The following RCHY1 variants were observed in gnomAD, a reference collection of about 807,000 sequenced individuals.
RCHY1 encodes the protein RING finger and CHY zinc finger domain-containing protein 1.
Under a neutral mutation model 41.6 loss-of-function variants are expected in RCHY1, and 21 were observed. That is an observed-to-expected ratio of 0.51 (90% CI 0.36 to 0.73). The LOEUF (loss-of-function observed/expected upper bound fraction) is 0.73, where lower values mean the gene tolerates loss of function less well. RCHY1 is among the 30% of genes least tolerant of loss of function. The pLI is 0.00. For missense variants in RCHY1, 265 were observed against 325.3 expected, an observed-to-expected ratio of 0.81 and a Z score of 1.43; for synonymous variants, 79 against 102.9, an observed-to-expected ratio of 0.77 and a Z score of 1.41.
At chr4:75,506,289 A>C (rs1724298547) in intron 3 of RCHY1, among the ~76,000 whole-genome samples, 1 of 152,072 alleles carries the variant, frequency 6.6e-6, no homozygotes, top group South Asian at 2.1e-4. Context: ...ATTATGTCCA[A>C]CAATCAACTA....
chr4:75,508,637 T>C (rs1488239428), intron 3 of RCHY1, among the ~76,000 whole-genome samples, 183 bp downstream of exon 3: 1 of 152,190 alleles, frequency 6.6e-6, no homozygotes, highest in African/African-American at 2.4e-5. Context: ...AATGGATATG[T>C]TCTATAGCTT....
rs762143992 is a variant in RCHY1, at chr4:75,485,967, T to A, written c.658-3301A>T. 8.5e-4 allele frequency among the ~76,000 whole-genome samples: 130 copies of A among 152,292 alleles called. 2 individuals are homozygous for A. Among genetic ancestry groups the A allele is most frequent in the East Asian group, 1.5e-3 (8 of 5,186 alleles). On this transcript the variant is annotated intron_variant, in intron 8 of 8. Coordinates refer to ENST00000324439, the MANE Select transcript of RCHY1 (RefSeq NM_015436.4). The stretch of plus-strand genomic sequence containing the variant: ...TTGACTGTGAGCTTGTTTTGGGTTT[T>A]GAACCTCTAGATTCTCAAGTCTGGC...
At chr4:75,497,507 G>A (rs62318629) in intron 3 of RCHY1, among the ~76,000 whole-genome samples, 47,574 of 151,918 alleles carry the variant, frequency 0.31, 7,774 homozygotes, top group Non-Finnish European at 0.35. Context: ...CTGACCACAT[G>A]GCAGAGCCAA....
intron 3 of RCHY1, among the ~76,000 whole-genome samples, chr4:75,497,672 A>G (rs1723345254): frequency 6.6e-6 from 1 of 152,118 alleles, no homozygotes; most frequent in South Asian, 2.1e-4. Context: ...AACACATGCA[A>G]TTGGAGATCC....
intron 1 of RCHY1, among the ~76,000 whole-genome samples, chr4:75,513,338 T>C (rs989359118): frequency 6.6e-6 from 1 of 152,208 alleles, no homozygotes; most frequent in African/African-American, 2.4e-5. Context: ...ATATATTTAC[T>C]ACTCATTTAC....
At position 75,482,669 on chromosome 4, in the gene RCHY1, G is replaced by GA; in HGVS notation, c.658-4dup. 1 of 1,588,972 alleles carries GA rather than the reference G, an allele frequency of 6.3e-7. No homozygotes were observed. The highest frequency in any genetic ancestry group is 8.6e-7 in the Non-Finnish European group (1 of 1,164,952). On this transcript the variant is annotated splice_region_variant and splice_polypyrimidine_tract_variant and intron_variant, in intron 8 of 8. Coordinates refer to ENST00000324439, the MANE Select transcript of RCHY1 (RefSeq NM_015436.4). The stretch of plus-strand genomic sequence containing the variant: ...CCATTACAGTCATTGCAGAGAATCT[G>GA]AAAAGAGATTAATTCAAATTAAGTA...
In RCHY1 at chr4:75,479,477, T is replaced by C. The variant is rs1054742756; in HGVS notation, c.*3061A>G. 1 of 152,058 alleles carries C rather than the reference T, an allele frequency of 6.6e-6. No individual in the cohort carries two copies. The highest frequency in any genetic ancestry group is 1.5e-5 in the Non-Finnish European group (1 of 67,950). The allele number at this position is 152,058 out of a possible 1,614,324, so 9.4% of individuals were successfully genotyped here. A position where few individuals can be genotyped will look rare whatever the true frequency, so the allele number is the denominator to read the frequency against. ...ATTTAACATGTATATCATATGAAAATAGGTTTTAGTGAAGAAATAAAAACT... is the reference window on the plus strand; with the variant it reads ...ATTTAACATGTATATCATATGAAAACAGGTTTTAGTGAAGAAATAAAAACT... On this transcript the variant is annotated 3_prime_UTR_variant, in exon 9 of 9. Transcript: ENST00000324439.
intron 8 of RCHY1, among the ~76,000 whole-genome samples, chr4:75,486,645 T>C (rs908846819): frequency 1.6e-4 from 25 of 152,106 alleles, no homozygotes; most frequent in African/African-American, 4.8e-4. Context: ...AGAAAAACAA[T>C]TCCCTATAAG....
At chr4:75,505,674 T>G (rs1724227870) in intron 3 of RCHY1, among the ~76,000 whole-genome samples, 2 of 152,166 alleles carry the variant, frequency 1.3e-5, no homozygotes, top group Admixed American at 1.3e-4. Flanking sequence ...AAACATATAT[T>G]GTAACTTCTA....
chr4:75,503,749 T>C (rs1724030166), intron 3 of RCHY1, among the ~76,000 whole-genome samples: 1 of 152,176 alleles, frequency 6.6e-6, no homozygotes, highest in South Asian at 2.1e-4. Flanking sequence ...AGTCATTTAT[T>C]AGGAAGGACT....
chr4:75,499,869 G>T (rs1446830128), intron 3 of RCHY1, among the ~76,000 whole-genome samples: 2 of 152,178 alleles, frequency 1.3e-5, no homozygotes, highest in Non-Finnish European at 2.9e-5. Flanking sequence ...GACCAGTAGG[G>T]TGACTACGGT....
intron 8 of RCHY1, among the ~76,000 whole-genome samples, chr4:75,487,337 T>C (rs1274168734): frequency 2.0e-5 from 3 of 150,912 alleles, no homozygotes; most frequent in African/African-American, 7.3e-5. Flanking sequence ...TGTCTCACGC[T>C]GTCTCAGGAC....
chr4:75,487,627 CATA>C (rs1395082243), intron 8 of RCHY1, among the ~76,000 whole-genome samples: 20 of 16,070 alleles, frequency 1.2e-3, no homozygotes, highest in South Asian at 2.7e-3. Flanking sequence ...TATATATATT[CATA>C]ATATATATAT....
intron 7 of RCHY1, chr4:75,491,312 A>G (rs1270893308): frequency 4.0e-6 from 1 of 249,864 alleles, no homozygotes; most frequent in Non-Finnish European, 7.6e-6. Flanking sequence ...CATTTTTACA[A>G]CACTATAACT....
intron 3 of RCHY1, among the ~76,000 whole-genome samples, chr4:75,499,628 A>C (rs1262864456): frequency 6.6e-6 from 1 of 152,186 alleles, no homozygotes; most frequent in Non-Finnish European, 1.5e-5. Context: ...AGCAACATGG[A>C]TAGGATGGAG....
intron 8 of RCHY1, among the ~76,000 whole-genome samples, chr4:75,490,150 A>G (rs1722617504): frequency 6.6e-6 from 1 of 152,150 alleles, no homozygotes; most frequent in Admixed American, 6.6e-5. Flanking sequence ...TCTAAGATGG[A>G]ATAAAAAGGG....
chr4:75,503,691 CA>C (rs1455844593), intron 3 of RCHY1, among the ~76,000 whole-genome samples: 7 of 147,182 alleles, frequency 4.8e-5, no homozygotes, highest in South Asian at 2.2e-4. Flanking sequence ...GACTCCATCT[CA>C]AAAAAAAATT....
intron 1 of RCHY1, among the ~76,000 whole-genome samples, chr4:75,511,557 C>A (rs1724878116): frequency 1.3e-5 from 2 of 152,104 alleles, no homozygotes. Flanking sequence ...CAAGACAACC[C>A]TCTAATTTCA....
chr4:75,491,318 T>C (rs1048076052), intron 7 of RCHY1: 2 of 280,166 alleles, frequency 7.1e-6, no homozygotes, highest in African/African-American at 2.2e-5. Flanking sequence ...TACAACACTA[T>C]AACTGCATCT....
Sources: allele counts gnomAD v4.1 joint callset (sites outside exome capture counted in the v4.1 genomes callset), GRCh38; gene constraint gnomAD v4.1.1; transcripts MANE v1.5; gene names NCBI Gene and HGNC (gene_info 2026-07-23, HGNC 2026-07-21).